The following TNKS variants were observed in gnomAD, a reference collection of about 807,000 sequenced individuals.
TNKS encodes poly [ADP-ribose] polymerase tankyrase-1.
In TNKS, 72 loss-of-function variants were observed where a neutral mutation model predicts 135.8. The ratio of observed to expected loss-of-function variants is 0.53; its 90% CI spans 0.44 to 0.64. TNKS has a LOEUF of 0.64. TNKS is among the 30% of genes least tolerant of loss of function. The pLI is 0.00. For synonymous variants in TNKS, 849 were observed against 649.3 expected (o/e 1.31, Z -4.68); for missense variants, 1,769 against 1,674.0 (o/e 1.06, Z -0.99).
chr8:9,583,237 A>G (rs1798238202), intron 2 of TNKS, among the ~76,000 whole-genome samples: 1 of 151,780 alleles, frequency 6.6e-6, no homozygotes, highest in Non-Finnish European at 1.5e-5. Context: ...GCTATTTACC[A>G]TCAAAAAGAA....
intron 2 of TNKS, among the ~76,000 whole-genome samples, chr8:9,614,776 T>C (rs1799579008): frequency 6.6e-6 from 1 of 152,174 alleles, no homozygotes; most frequent in Non-Finnish European, 1.5e-5. Context: ...CTCTCCACCC[T>C]CCCTACGTAT....
At chr8:9,703,525 C>T (rs1341845794) in intron 5 of TNKS, among the ~76,000 whole-genome samples, 1 of 152,138 alleles carries the variant, frequency 6.6e-6, no homozygotes, top group Non-Finnish European at 1.5e-5. Flanking sequence ...TCCTGACTTC[C>T]TGTTCAGGAC....
intron 1 of TNKS, among the ~76,000 whole-genome samples, chr8:9,568,948 C>T (rs767900957): frequency 3.3e-5 from 5 of 152,166 alleles, no homozygotes; most frequent in Admixed American, 6.5e-5. Flanking sequence ...TATACCTGTA[C>T]TTGTTTTGAG....
Position 9,662,226 on chromosome 8 carries a change from G to A in TNKS, c.995-17725G>A, listed in dbSNP as rs554698784. 3.3e-5 allele frequency among the ~76,000 whole-genome samples: 5 copies of A among 152,042 alleles called. No homozygotes were observed. The South Asian group carries it at 8.3e-4, about 25-fold the overall frequency. ...TCTAGAACTAGAAATACCATTTGAC[G>A]CAGCCATCCCATTACTGGGTATATA... On this transcript the variant is annotated intron_variant, in intron 3 of 26. Coordinates refer to ENST00000310430, the MANE Select transcript of TNKS (RefSeq NM_003747.3).
intron 26 of TNKS, among the ~76,000 whole-genome samples, chr8:9,771,170 G>T (rs78602662): frequency 1.3e-5 from 2 of 148,922 alleles, no homozygotes; most frequent in African/African-American, 5.0e-5. Flanking sequence ...GGAAGGAAAG[G>T]AGGGAGAGAA....
rs372031689 is a variant in TNKS at position 9,658,316 on chromosome 8, G to A, written c.995-21635G>A. 282 of 696,092 alleles carry A rather than the reference G, an allele frequency of 4.1e-4. 3 individuals are homozygous for A. The East Asian group carries it at 6.8e-3, about 17-fold the overall frequency. The allele number at this position is 696,092 out of a possible 1,614,324, so 43.1% of individuals were successfully genotyped here. A position where few individuals can be genotyped will look rare whatever the true frequency, so the allele number is the denominator to read the frequency against. ...GCTGCTCCTTGCCCTCGGGCCCCGC[G>A]GGGCCCGTCCGCTCCTCCAGCCGCT... On this transcript the variant is annotated intron_variant, in intron 3 of 26. Coordinates refer to ENST00000310430, the MANE Select transcript of TNKS (RefSeq NM_003747.3).
intron 5 of TNKS, among the ~76,000 whole-genome samples, chr8:9,690,896 G>A (rs1339429418): frequency 6.6e-6 from 1 of 152,010 alleles, no homozygotes; most frequent in East Asian, 1.9e-4. Context: ...AATCTATCTA[G>A]GATTCATAGA....
chr8:9,775,206 TG>T (rs1808154435), intron 26 of TNKS, among the ~76,000 whole-genome samples: 2 of 152,080 alleles, frequency 1.3e-5, no homozygotes, highest in Non-Finnish European at 2.9e-5. Context: ...TGACCTAGAT[TG>T]TTTTAGTAAA....
chr8:9,604,856 T>C (rs1470584556), intron 2 of TNKS, among the ~76,000 whole-genome samples: 1 of 151,930 alleles, frequency 6.6e-6, no homozygotes, highest in African/African-American at 2.4e-5. Context: ...CTTTTATCCA[T>C]CCTACTCTCT....
At chr8:9,604,744 A>G (rs1799153380) in intron 2 of TNKS, among the ~76,000 whole-genome samples, 1 of 151,782 alleles carries the variant, frequency 6.6e-6, no homozygotes, top group African/African-American at 2.4e-5. Flanking sequence ...CTGTAAATAC[A>G]TACATATGTA....
chr8:9,769,721 G>T (rs1022958214), intron 25 of TNKS, among the ~76,000 whole-genome samples: 1 of 147,506 alleles, frequency 6.8e-6, no homozygotes, highest in Non-Finnish European at 1.5e-5. Flanking sequence ...CCGTGTTCGT[G>T]CCATTCTCCT....
At chr8:9,561,961 C>T (rs1242049732) in intron 1 of TNKS, among the ~76,000 whole-genome samples, 3 of 152,114 alleles carry the variant, frequency 2.0e-5, no homozygotes, top group East Asian at 1.9e-4. Flanking sequence ...GGATTACAGG[C>T]GCCCACCACC....
intron 25 of TNKS, among the ~76,000 whole-genome samples, chr8:9,768,284 C>T (rs1013709674): frequency 1.6e-4 from 25 of 152,210 alleles, no homozygotes; most frequent in African/African-American, 5.5e-4. Context: ...GCAGAGCAAC[C>T]GCAGTGAGGT....
At chr8:9,672,726 A>T (rs1189101307) in intron 3 of TNKS, among the ~76,000 whole-genome samples, 1 of 147,264 alleles carries the variant, frequency 6.8e-6, no homozygotes, top group African/African-American at 2.5e-5. Flanking sequence ...AAAAAAAAAC[A>T]AACTAATATC....
In TNKS at chr8:9,777,112, T is replaced by C. The variant is rs1304056417; in HGVS notation, c.*376T>C. 4 of 199,366 alleles carry C rather than the reference T, an allele frequency of 2.0e-5. No homozygotes were observed. The highest frequency in any genetic ancestry group is 4.2e-5 in the Non-Finnish European group (4 of 95,700). 12.3% of individuals were successfully genotyped at this position (199,366 alleles called of 1,614,324 possible). The stretch of plus-strand genomic sequence containing the variant: ...TGTTTTGTTATGCATGACGTGTCTA[T>C]AACAAATATACACATACGACAGGCA... On this transcript the variant is annotated 3_prime_UTR_variant, in exon 27 of 27. Transcript: ENST00000310430.
chr8:9,716,082 A>C (rs1033320385), intron 11 of TNKS, among the ~76,000 whole-genome samples: 1 of 152,228 alleles, frequency 6.6e-6, no homozygotes, highest in Non-Finnish European at 1.5e-5. Flanking sequence ...AATACGTGAA[A>C]CATGAAGGAA....
chr8:9,586,721 A>T (rs888000293), intron 2 of TNKS, among the ~76,000 whole-genome samples: 2 of 122,388 alleles, frequency 1.6e-5, no homozygotes, highest in East Asian at 5.3e-4. Context: ...TATATCTAAA[A>T]CGTGTGTGTG....
chr8:9,646,588 T>C (rs541235605), intron 3 of TNKS, among the ~76,000 whole-genome samples: 1 of 152,324 alleles, frequency 6.6e-6, no homozygotes, highest in South Asian at 2.1e-4. Flanking sequence ...GGAATCAATA[T>C]TAAATGACAT....
chr8:9,573,620 C>G (rs1003337870), intron 1 of TNKS, among the ~76,000 whole-genome samples: 15 of 152,116 alleles, frequency 9.9e-5, no homozygotes, highest in African/African-American at 3.6e-4. Context: ...CAACCCCAAA[C>G]TTAGTTTACA....
Sources: gnomAD v4.1 joint callset for allele counts (sites outside exome capture counted in the v4.1 genomes callset) on GRCh38, gnomAD v4.1.1 for gene constraint, MANE v1.5 for transcripts, NCBI Gene and HGNC (gene_info 2026-07-23, HGNC 2026-07-21) for gene names.